Variants in ZNF440 observed in about 807,000 individuals in gnomAD.
ZNF440 encodes zinc finger protein 440.
Under a neutral mutation model 49.7 loss-of-function variants are expected in ZNF440, and 47 were observed. The observed-to-expected ratio is 0.95, with a 90% CI of 0.75 to 1.21. The LOEUF is 1.21. Among genes scored for constraint, ZNF440 ranks in the 50% most tolerant of loss-of-function variants. ZNF440 has a pLI of 0.00. For synonymous variants in ZNF440, 255 were observed against 237.7 expected (o/e 1.07, Z -0.67); for missense variants, 703 against 715.0 (o/e 0.98, Z 0.19).
At chr19:11,831,159 A>C (rs1166028168) in intron 3 of ZNF440, among the ~76,000 whole-genome samples, 2 of 152,232 alleles carry the variant, frequency 1.3e-5, no homozygotes, top group African/African-American at 4.8e-5. Context: ...GAAGAGTATT[A>C]AGATACCCCA....
In ZNF440 at chr19:11,830,269, G is replaced by A. The variant is rs1252130942; in HGVS notation, c.4-14G>A. The A allele has an allele frequency of 3.7e-6, 6 of 1,614,042 alleles. No individual in the cohort carries two copies. In the African/African-American group the frequency reaches 4.0e-5, roughly 11 times the overall value. On this transcript the variant is annotated splice_polypyrimidine_tract_variant and intron_variant, in intron 1 of 3. Transcript: ENST00000304060. ...CTCTCACCCATCTTCTTCTACACATGTGAGATGTTTCAGGACCCAGTGGCT... is the reference window on the plus strand; with the variant it reads ...CTCTCACCCATCTTCTTCTACACATATGAGATGTTTCAGGACCCAGTGGCT...
At chr19:11,824,108 A>G (rs547907882) in intron 1 of ZNF440, among the ~76,000 whole-genome samples, 1 of 151,308 alleles carries the variant, frequency 6.6e-6, no homozygotes, top group African/African-American at 2.4e-5. Flanking sequence ...TGTTGAGCCT[A>G]AGAGTTCGAG....
Position 11,831,640 on chromosome 19 carries a change from A to G in ZNF440, c.464A>G (p.Tyr155Cys), listed in dbSNP as rs1975940514. ...CAACAACCTAAAAAAGCCTTCAGAT[A>G]CCGCCCCTCCTTTAGAACACAAGAA... ...KCQQPKKAFR[Y>C]RPSFRTQERD... The change falls in exon 4 of 4, where the codon TAC becomes TGC. Residue 155 changes from tyrosine (Y) to cysteine (C), a missense_variant. Coordinates refer to ENST00000304060, the MANE Select transcript of ZNF440 (RefSeq NM_152357.3). The G allele has an allele frequency of 1.3e-5, 21 of 1,614,076 alleles. No individual in the cohort carries two copies. Among genetic ancestry groups the G allele is most frequent in the Non-Finnish European group, 1.7e-5 (20 of 1,180,044 alleles).
chr19:11,825,580 G>C (rs1469983198), intron 1 of ZNF440, among the ~76,000 whole-genome samples: 2 of 152,090 alleles, frequency 1.3e-5, no homozygotes, highest in African/African-American at 4.8e-5. Context: ...TTTCAGACTT[G>C]CTTCTTTCAT....
chr19:11,829,777 G>A (rs1325966254), intron 1 of ZNF440, among the ~76,000 whole-genome samples: 1 of 151,856 alleles, frequency 6.6e-6, no homozygotes, highest in African/African-American at 2.4e-5. Flanking sequence ...AGGTTGTAGT[G>A]AGCCAAGATG....
At position 11,832,618 on chromosome 19, in the gene ZNF440, C is replaced by G. The variant is rs1975964234; in HGVS notation, c.1442C>G (p.Thr481Ser). 3.1e-6 allele frequency: 5 copies of G among 1,613,462 alleles called. No homozygotes were observed. Among genetic ancestry groups the G allele is most frequent in the Non-Finnish European group, 4.2e-6 (5 of 1,179,870 alleles). ...TTTCAAAGACATGAAAAAACTCACACTGGAGAGAAACTCTATGAATGCAAG... is the reference window on the plus strand; with the variant it reads ...TTTCAAAGACATGAAAAAACTCACAGTGGAGAGAAACTCTATGAATGCAAG... ...KSFQRHEKTH[T>S]GEKLYECKQR... Residue 481 changes from threonine (T) to serine (S), a missense_variant, in exon 4 of 4, where the codon ACT becomes AGT. Thr to Ser is a moderately conservative substitution (Grantham distance 58). Transcript: ENST00000304060.
intron 1 of ZNF440, chr19:11,827,603 CA>C: frequency 6.6e-6 from 1 of 152,130 alleles, no homozygotes; most frequent in African/African-American, 2.4e-5. Flanking sequence ...ATCTTATTGC[CA>C]AATCAAGGTC....
intron 1 of ZNF440, 89 bp downstream of exon 1, chr19:11,814,539 G>A (rs1975708194): frequency 4.5e-6 from 6 of 1,346,512 alleles, no homozygotes; most frequent in East Asian, 3.1e-5. Flanking sequence ...GCCTCCACGC[G>A]GCGACTCCGG....
rs2145135183 is a variant in ZNF440 at position 11,833,124 on chromosome 19, A to G, written c.*160A>G. 4 of 1,410,092 alleles carry G rather than the reference A, an allele frequency of 2.8e-6. No homozygotes were observed. Among genetic ancestry groups the G allele is most frequent in the South Asian group, 1.2e-5 (1 of 85,398 alleles). The allele number at this position is 1,410,092 out of a possible 1,614,324, so 87.3% of individuals were successfully genotyped here. On this transcript the variant is annotated 3_prime_UTR_variant, in exon 4 of 4. Coordinates refer to ENST00000304060, the MANE Select transcript of ZNF440 (RefSeq NM_152357.3). ...GTTTCCTTCACTTCCTTTCGATATC[A>G]TGAAAGGACTCACACTGGAGAGAAC...
intron 1 of ZNF440, among the ~76,000 whole-genome samples, chr19:11,823,354 A>G (rs181222235): frequency 1.7e-4 from 26 of 152,238 alleles, no homozygotes; most frequent in Middle Eastern, 3.4e-3. Flanking sequence ...TCATGCCGTA[A>G]CACCCCCCCA....
chr19:11,832,321 C>T lies in ZNF440; in HGVS notation c.1145C>T (p.Ser382Phe), dbSNP rs1275979584. ...GGTAAAGCCTTCCCTCATTCCAGTT[C>T]CCTTCGATATCATGAAAGGACTCAC... is the stretch of plus-strand genomic sequence containing the variant. Reference protein sequence around the residue: ...QCGKAFPHSSSLRYHERTHTG... With the variant: ...QCGKAFPHSSFLRYHERTHTG... The change falls in exon 4 of 4, where the codon TCC (serine) becomes TTC (phenylalanine). Residue 382 changes from serine (S) to phenylalanine (F), a missense_variant. Coordinates refer to ENST00000304060, the MANE Select transcript of ZNF440 (RefSeq NM_152357.3). 2 of 1,614,010 alleles carry T rather than the reference C, an allele frequency of 1.2e-6. No homozygotes were observed. Among genetic ancestry groups the T allele is most frequent in the Non-Finnish European group, 1.7e-6 (2 of 1,180,016 alleles).
At position 11,831,782 on chromosome 19, in the gene ZNF440, T is replaced by C. The variant is rs1356554797; in HGVS notation, c.606T>C (p.Cys202=). The C allele has an allele frequency of 6.2e-7, 1 of 1,609,234 alleles. No homozygotes were observed. Among genetic ancestry groups the C allele is most frequent in the African/African-American group, 1.3e-5 (1 of 74,768 alleles). ...VMHSGDGPYK[C]KFCGKAFHCL... is the part of the protein sequence containing the mutation. Reference sequence around the variant, plus strand: ...ACAGTGGGGATGGACCTTATAAATGTAAGTTTTGTGGGAAAGCATTCCATT... The same window carrying C: ...ACAGTGGGGATGGACCTTATAAATGCAAGTTTTGTGGGAAAGCATTCCATT... The change falls in exon 4 of 4, where the codon TGT becomes TGC. Residue 202 remains cysteine, a synonymous_variant. Transcript: ENST00000304060.
At chr19:11,821,514 C>A (rs1975799264) in intron 1 of ZNF440, among the ~76,000 whole-genome samples, 1 of 152,080 alleles carries the variant, frequency 6.6e-6, no homozygotes, top group Non-Finnish European at 1.5e-5. Flanking sequence ...GGAGACAAAA[C>A]CCCAAAAAAC....
rs3223082 is a variant in ZNF440 at position 11,815,284 on chromosome 19, T to TCACACACACACACACACACA, written c.3+857_3+876dup. ...AGAGCGAGACAACTGGGCAACTCCGTCACACACACACACACACACACACAC... is the reference window on the plus strand; with the variant it reads ...AGAGCGAGACAACTGGGCAACTCCGTCACACACACACACACACACACACACACACACACACACACACACAC... On this transcript the variant is annotated intron_variant, in intron 1 of 3. Transcript: ENST00000304060. Among the ~76,000 whole-genome samples the TCACACACACACACACACACA allele has an allele frequency of 5.2e-3, 630 of 121,064 alleles. 6 individuals are homozygous for TCACACACACACACACACACA. Among genetic ancestry groups the TCACACACACACACACACACA allele is most frequent in the Non-Finnish European group, 6.8e-3 (394 of 57,996 alleles). 79.4% of individuals were successfully genotyped at this position (121,064 alleles called of 152,430 possible).
intron 1 of ZNF440, among the ~76,000 whole-genome samples, chr19:11,821,464 A>G (rs1975798826): frequency 6.6e-6 from 1 of 152,210 alleles, no homozygotes; most frequent in Admixed American, 6.5e-5. Context: ...GAGAGAAAAG[A>G]GAAATGCTTC....
chr19:11,815,284 TCACACACACACACA>T (rs3223082), intron 1 of ZNF440, among the ~76,000 whole-genome samples: 14 of 121,126 alleles, frequency 1.2e-4, no homozygotes, highest in Admixed American at 7.7e-4. Context: ...GGCAACTCCG[TCACACACACACACA>T]CACACACACA....
At position 11,834,705 on chromosome 19, in the gene ZNF440, C is replaced by T. The variant is rs1361571865; in HGVS notation, c.*1741C>T. 6.6e-6 allele frequency: 1 copy of T among 152,150 alleles called. No homozygotes were observed. Among genetic ancestry groups the T allele is most frequent in the Non-Finnish European group, 1.5e-5 (1 of 68,034 alleles). The allele number at this position is 152,150 out of a possible 1,614,324, so 9.4% of individuals were successfully genotyped here. A position where few individuals can be genotyped will look rare whatever the true frequency, so the allele number is the denominator to read the frequency against. On this transcript the variant is annotated 3_prime_UTR_variant, in exon 4 of 4. Coordinates refer to ENST00000304060, the MANE Select transcript of ZNF440 (RefSeq NM_152357.3). Reference sequence around the variant, plus strand: ...GTTACAAAATGCCCTTGTTTTTGTCCTGATTCATCATGGTCACTGAGGAGC... The same window carrying T: ...GTTACAAAATGCCCTTGTTTTTGTCTTGATTCATCATGGTCACTGAGGAGC...
chr19:11,814,303 G>T lies in ZNF440; in HGVS notation c.-145G>T, dbSNP rs1445197483. 6 of 853,574 alleles carry T rather than the reference G, an allele frequency of 7.0e-6. No homozygotes were observed. The highest frequency in any genetic ancestry group is 1.0e-5 in the Non-Finnish European group (6 of 601,848). 52.9% of individuals were successfully genotyped at this position (853,574 alleles called of 1,614,324 possible). On this transcript the variant is annotated 5_prime_UTR_variant, in exon 1 of 4. Coordinates refer to ENST00000304060, the MANE Select transcript of ZNF440 (RefSeq NM_152357.3). ...CCGTCCATTCCTTTAGTGCTGCGCC[G>T]ACAGCGGTCAGGATCTCGGCTTTCT...
At chr19:11,815,653 C>T (rs925784671) in intron 1 of ZNF440, among the ~76,000 whole-genome samples, 13 of 152,228 alleles carry the variant, frequency 8.5e-5, no homozygotes, top group African/African-American at 3.1e-4. Flanking sequence ...GCCTGTAATC[C>T]CAGCACTTTG....
Sources: gnomAD v4.1 joint callset for allele counts (sites outside exome capture counted in the v4.1 genomes callset) on GRCh38, gnomAD v4.1.1 for gene constraint, MANE v1.5 for transcripts, NCBI Gene and HGNC (gene_info 2026-07-23, HGNC 2026-07-21) for gene names.